PRTG: variants seen among roughly 807,000 people sequenced by gnomAD.
PRTG encodes protogenin, also known as immunoglobulin superfamily, DCC subclass, member 5.
In PRTG, 67 loss-of-function variants were observed where a neutral mutation model predicts 122.5. That is an observed-to-expected ratio of 0.55 (90% CI 0.45 to 0.67). The LOEUF (loss-of-function observed/expected upper bound fraction) is 0.67. PRTG is among the 30% of genes least tolerant of loss of function. PRTG has a pLI of 0.00. For synonymous variants in PRTG, 554 were observed against 501.1 expected (o/e 1.11, Z -1.41); for missense variants, 1,435 against 1,415.4 (o/e 1.01, Z -0.22).
chr15:55,703,109 G>T (rs2029953885), intron 2 of PRTG, among the ~76,000 whole-genome samples: 5 of 152,164 alleles, frequency 3.3e-5, no homozygotes. Flanking sequence ...GTGGCTGCAG[G>T]TTCTTGGAAT....
intron 2 of PRTG, among the ~76,000 whole-genome samples, chr15:55,698,303 CATTCTT>C (rs1462803766): frequency 1.3e-5 from 2 of 152,056 alleles, no homozygotes; most frequent in African/African-American, 4.8e-5. Context: ...CCACCCACTC[CATTCTT>C]AGACAGGGTC....
At chr15:55,663,858 A>T (rs1026646782) in intron 11 of PRTG, among the ~76,000 whole-genome samples, 1 of 152,050 alleles carries the variant, frequency 6.6e-6, no homozygotes, top group Non-Finnish European at 1.5e-5. Context: ...TTCACTTTTC[A>T]AGAGTGTCAT....
At chr15:55,708,255 A>G (rs2141850114) in intron 2 of PRTG, among the ~76,000 whole-genome samples, 1 of 152,192 alleles carries the variant, frequency 6.6e-6, no homozygotes, top group East Asian at 1.9e-4. Context: ...AAACATCACA[A>G]GAAGAAATGA....
At position 55,612,175 on chromosome 15, in the gene PRTG, T is replaced by A. The variant is rs1430408335; in HGVS notation, c.*7837A>T. On this transcript the variant is annotated 3_prime_UTR_variant, in exon 20 of 20. Transcript: ENST00000389286. ...TTTCCTATTAACAGGCTCAAGTTGC[T>A]AATCATCAGTAATAATTTTCATTTG... 6.6e-6 allele frequency: 1 copy of A among 152,120 alleles called. No homozygotes were observed. Among genetic ancestry groups the A allele is most frequent in the African/African-American group, 2.4e-5 (1 of 41,456 alleles). The allele number at this position is 152,120 out of a possible 1,614,324, so 9.4% of individuals were successfully genotyped here.
At chr15:55,704,030 C>G (rs1441577734) in intron 2 of PRTG, among the ~76,000 whole-genome samples, 4 of 152,174 alleles carry the variant, frequency 2.6e-5, no homozygotes, top group Non-Finnish European at 5.9e-5. Flanking sequence ...TAGTAAGCCA[C>G]ATTAACCAGC....
At chr15:55,665,563 T>G (rs2059435174) in intron 11 of PRTG, among the ~76,000 whole-genome samples, 4 of 151,296 alleles carry the variant, frequency 2.6e-5, no homozygotes, top group Admixed American at 1.3e-4. Flanking sequence ...TTTTTTTTTT[T>G]GAGACAAAGT....
chr15:55,621,428 C>T (rs542083533), intron 18 of PRTG, among the ~76,000 whole-genome samples: 6 of 151,552 alleles, frequency 4.0e-5, no homozygotes, highest in Admixed American at 1.3e-4. Flanking sequence ...GAGGCTGAGG[C>T]GGGCGGATCA....
chr15:55,705,234 A>G (rs867571577), intron 2 of PRTG, among the ~76,000 whole-genome samples: 3 of 152,316 alleles, frequency 2.0e-5, no homozygotes, highest in Non-Finnish European at 2.9e-5. Flanking sequence ...ACCTCACAGT[A>G]CTAATGCTAA....
Position 55,718,632 on chromosome 15 carries a change from A to C in PRTG, c.397+21750T>G, listed in dbSNP as rs143465394. ...TTGTTGCTCACAAAAAACAAACAAAAAAAAAAACACTTTGTAAAAATCATG... is the reference window on the plus strand; with the variant it reads ...TTGTTGCTCACAAAAAACAAACAAACAAAAAAACACTTTGTAAAAATCATG... On this transcript the variant is annotated intron_variant, in intron 2 of 19. Coordinates refer to ENST00000389286, the MANE Select transcript of PRTG (RefSeq NM_173814.6). Among the ~76,000 whole-genome samples, 1,262 of 149,138 alleles carry C rather than the reference A, an allele frequency of 8.5e-3. 14 individuals carry two copies. The highest frequency in any genetic ancestry group is 0.011 in the Non-Finnish European group (702 of 66,518).
chr15:55,738,003 TATA>T (rs1567121654), intron 2 of PRTG, among the ~76,000 whole-genome samples: 2,819 of 76,652 alleles, frequency 0.037, 76 homozygotes, highest in African/African-American at 0.084. Flanking sequence ...TCTCTCTCTC[TATA>T]TATATATATA....
At chr15:55,741,952 T>C (rs1215576426) in intron 1 of PRTG, among the ~76,000 whole-genome samples, 1 of 152,142 alleles carries the variant, frequency 6.6e-6, no homozygotes, top group Non-Finnish European at 1.5e-5. Context: ...ATAAATAAAA[T>C]AACCCATTCT....
At chr15:55,717,213 A>G (rs1026835610) in intron 2 of PRTG, among the ~76,000 whole-genome samples, 14 of 152,354 alleles carry the variant, frequency 9.2e-5, no homozygotes, top group African/African-American at 3.4e-4. Flanking sequence ...GCTTTAACTA[A>G]AAATATAAAT....
At chr15:55,722,683 T>A (rs2030872003) in intron 2 of PRTG, among the ~76,000 whole-genome samples, 1 of 152,180 alleles carries the variant, frequency 6.6e-6, no homozygotes, top group Non-Finnish European at 1.5e-5. Flanking sequence ...TATTTCCATT[T>A]CTGGAAAATC....
intron 2 of PRTG, among the ~76,000 whole-genome samples, chr15:55,699,163 C>CT (rs1344269518): frequency 1.3e-5 from 2 of 152,138 alleles, no homozygotes; most frequent in African/African-American, 4.8e-5. Context: ...AATGACCCAA[C>CT]TTGGATGATC....
chr15:55,672,903 T>C (rs2059480980), intron 10 of PRTG, among the ~76,000 whole-genome samples: 1 of 152,146 alleles, frequency 6.6e-6, no homozygotes, highest in Non-Finnish European at 1.5e-5. Flanking sequence ...ATAAATACTT[T>C]CTAATTTTGG....
At chr15:55,685,377 G>A (rs2059564609) in intron 2 of PRTG, among the ~76,000 whole-genome samples, 2 of 152,244 alleles carry the variant, frequency 1.3e-5, no homozygotes, top group South Asian at 4.1e-4. Context: ...TGGAGTGGGG[G>A]TGAAATAATC....
At chr15:55,710,226 T>TTTAAAAG (rs1396261467) in intron 2 of PRTG, among the ~76,000 whole-genome samples, 17 of 152,224 alleles carry the variant, frequency 1.1e-4, no homozygotes, top group African/African-American at 4.1e-4. Flanking sequence ...TTCAAAAGCC[T>TTTAAAAG]TTAAAAGTTC....
At chr15:55,735,577 G>A (rs2031383304) in intron 2 of PRTG, among the ~76,000 whole-genome samples, 1 of 151,628 alleles carries the variant, frequency 6.6e-6, no homozygotes, top group African/African-American at 2.4e-5. Context: ...ATCAGAGATA[G>A]TTGACAAAAA....
rs543230759 is a variant in PRTG at position 55,701,482 on chromosome 15, C to T, written c.398-17551G>A. On this transcript the variant is annotated intron_variant, in intron 2 of 19. Coordinates refer to ENST00000389286, the MANE Select transcript of PRTG (RefSeq NM_173814.6). Reference sequence around the variant, plus strand: ...CCGGGAGGCAGAGGTTGCAGTGAGCCGAGATCACGCCACTGCACCCCAGCC... The same window carrying T: ...CCGGGAGGCAGAGGTTGCAGTGAGCTGAGATCACGCCACTGCACCCCAGCC... Among the ~76,000 whole-genome samples the T allele has an allele frequency of 8.5e-5, 13 of 152,080 alleles. 1 individual carries two copies. Among genetic ancestry groups the T allele is most frequent in the African/African-American group, 2.9e-4 (12 of 41,478 alleles).
Sources: allele counts gnomAD v4.1 joint callset (sites outside exome capture counted in the v4.1 genomes callset), GRCh38; gene constraint gnomAD v4.1.1; transcripts MANE v1.5; gene names NCBI Gene and HGNC (gene_info 2026-07-23, HGNC 2026-07-21).